Variants in HERPUD1 observed in about 807,000 individuals in gnomAD.
The protein encoded by HERPUD1 is homocysteine inducible ER protein with ubiquitin like domain 1.
HERPUD1 carries 17 observed loss-of-function variants against 45.0 expected under a neutral mutation model. The observed-to-expected ratio is 0.38, with a 90% CI of 0.26 to 0.57. HERPUD1 has a LOEUF of 0.57. Ranked by LOEUF, HERPUD1 falls within the 20% of genes least tolerant of loss-of-function variation. The pLI is 0.72. For synonymous variants in HERPUD1, 164 were observed against 177.5 expected (o/e 0.92, Z 0.61); for missense variants, 420 against 490.5 (o/e 0.86, Z 1.36).
At position 56,932,235 on chromosome 16, in the gene HERPUD1, C is replaced by T. The variant is rs1371288153; in HGVS notation, c.-10C>T. ...GAGCGCAGCGGAGCCCCGACACCGCCGCCGCCGCCATGGAGTCCGAGACCG... is the reference window on the plus strand; with the variant it reads ...GAGCGCAGCGGAGCCCCGACACCGCTGCCGCCGCCATGGAGTCCGAGACCG... On this transcript the variant is annotated 5_prime_UTR_variant, in exon 1 of 8. Coordinates refer to ENST00000439977, the MANE Select transcript of HERPUD1 (RefSeq NM_014685.4). 6.2e-7 allele frequency: 1 copy of T among 1,605,274 alleles called. No homozygotes were observed.
rs931752581 is a variant in HERPUD1 at position 56,943,897 on chromosome 16, A to G, written c.*607A>G. 10 of 191,750 alleles carry G rather than the reference A, an allele frequency of 5.2e-5. No individual in the cohort carries two copies. The South Asian group carries it at 1.5e-3, about 29-fold the overall frequency. 11.9% of individuals were successfully genotyped at this position (191,750 alleles called of 1,614,324 possible). A position where few individuals can be genotyped will look rare whatever the true frequency, so the allele number is the denominator to read the frequency against. Reference sequence around the variant, plus strand: ...AATGACCCTGGCAGAGACTCCTGTCATCCTAGCAGTTTACTCTGCGTTTGT... The same window carrying G: ...AATGACCCTGGCAGAGACTCCTGTCGTCCTAGCAGTTTACTCTGCGTTTGT... On this transcript the variant is annotated 3_prime_UTR_variant, in exon 8 of 8. Transcript: ENST00000439977.
chr16:56,933,299 T>G (rs2055841234), intron 1 of HERPUD1: 1 of 455,948 alleles, frequency 2.2e-6, no homozygotes, highest in African/African-American at 2.0e-5. Flanking sequence ...TTTCATATGG[T>G]CAAGAATGTT....
chr16:56,934,241 G>C (rs2055847834), intron 1 of HERPUD1, among the ~76,000 whole-genome samples: 1 of 152,180 alleles, frequency 6.6e-6, no homozygotes, highest in Admixed American at 6.5e-5. Context: ...AATTTAGACG[G>C]AGTTTCAAAT....
intron 5 of HERPUD1, among the ~76,000 whole-genome samples, chr16:56,939,564 T>C (rs2055893559): frequency 6.6e-6 from 1 of 152,254 alleles, no homozygotes; most frequent in Non-Finnish European, 1.5e-5. Context: ...TTTTGTCTGA[T>C]ACATAGTTTA....
intron 1 of HERPUD1, among the ~76,000 whole-genome samples, chr16:56,932,749 T>G (rs143699210): frequency 2.6e-5 from 4 of 152,238 alleles, no homozygotes; most frequent in Non-Finnish European, 5.9e-5. Flanking sequence ...GCAGCCTCTC[T>G]GCAGGGAGAG....
intron 1 of HERPUD1, among the ~76,000 whole-genome samples, chr16:56,934,034 A>G (rs1479793909): frequency 1.3e-5 from 2 of 152,240 alleles, no homozygotes; most frequent in African/African-American, 4.8e-5. Flanking sequence ...TCTGATGTAT[A>G]TGGATAAGTA....
intron 6 of HERPUD1, chr16:56,940,740 T>C (rs1447319943): frequency 1.3e-5 from 2 of 152,128 alleles, no homozygotes; most frequent in Non-Finnish European, 2.9e-5. Context: ...GGCAGGAGGA[T>C]CACATGAGGC....
chr16:56,934,416 CTCACAGGGTGGTTGTGTA>C (rs1567459239), intron 1 of HERPUD1, among the ~76,000 whole-genome samples: 1 of 152,154 alleles, frequency 6.6e-6, no homozygotes, highest in Non-Finnish European at 1.5e-5. Flanking sequence ...GATACTAAAT[CTCACAGGGTGGTTGTGTA>C]TAATGTCACC....
intron 4 of HERPUD1, chr16:56,937,029 A>G (rs2055872230): frequency 7.9e-6 from 3 of 379,270 alleles, no homozygotes; most frequent in African/African-American, 4.2e-5. Context: ...AAAGTAGGTA[A>G]TGCATATATT....
intron 3 of HERPUD1, 116 bp downstream of exon 3, chr16:56,935,591 A>G: frequency 1.2e-6 from 1 of 847,978 alleles, no homozygotes; most frequent in Non-Finnish European, 1.9e-6. Context: ...TTACCAAGTA[A>G]TATTTTGTTT....
intron 1 of HERPUD1, among the ~76,000 whole-genome samples, chr16:56,933,734 G>A (rs1232196025): frequency 6.6e-6 from 1 of 152,142 alleles, no homozygotes; most frequent in East Asian, 1.9e-4. Context: ...TGTAATAGTT[G>A]TTTGCTTTAC....
intron 1 of HERPUD1, among the ~76,000 whole-genome samples, chr16:56,932,747 T>A (rs2055836971): frequency 6.6e-6 from 1 of 152,236 alleles, no homozygotes; most frequent in Non-Finnish European, 1.5e-5. Flanking sequence ...ACGCAGCCTC[T>A]CTGCAGGGAG....
intron 1 of HERPUD1, chr16:56,934,981 GGATTACAGGCATGA>G (rs1379238636): frequency 2.4e-6 from 1 of 411,232 alleles, no homozygotes; most frequent in Non-Finnish European, 4.6e-6. Flanking sequence ...CACAGTGCTT[GGATTACAGGCATGA>G]GCCACCATGC....
In HERPUD1 at chr16:56,935,290, G is replaced by A; in HGVS notation, c.203G>A (p.Cys68Tyr). 1 of 1,613,942 alleles carries A rather than the reference G, an allele frequency of 6.2e-7. No individual in the cohort carries two copies. Among genetic ancestry groups the A allele is most frequent in the Non-Finnish European group, 8.5e-7 (1 of 1,179,816 alleles). ...GGGAAGCTGTTGTTGGATCACCAAT[G>A]TCTCAGGGACTTGCTTCCAAAGGTA... Reference protein sequence around the residue: ...YSGKLLLDHQCLRDLLPKQEK... With the variant: ...YSGKLLLDHQYLRDLLPKQEK... The change falls in exon 2 of 8, where the codon TGT becomes TAT. Residue 68 changes from cysteine (C) to tyrosine (Y), a missense_variant. By Grantham distance (194) the Cys-to-Tyr change is radical. Transcript: ENST00000439977.
chr16:56,940,525 C>T (rs1251479261), intron 6 of HERPUD1: 9 of 326,148 alleles, frequency 2.8e-5, no homozygotes, highest in African/African-American at 1.3e-4. Flanking sequence ...CAGGTGGTCT[C>T]GAACTCCTGA....
Position 56,935,278 on chromosome 16 carries a change from TG to T in HERPUD1, c.193del (p.Asp65IlefsTer24). Reference protein sequence around the residue: ...QRLIYSGKLLLDHQCLRDLLP... With the variant: ...QRLIYSGKLLXDHQCLRDLLP... ...TTAATTTATTCTGGGAAGCTGTTGT[TG>T]GATCACCAATGTCTCAGGGACTTGC... On this transcript the variant is annotated frameshift_variant, in exon 2 of 8. Transcript: ENST00000439977. LOFTEE classifies it high-confidence loss of function. 6.2e-7 allele frequency: 1 copy of T among 1,614,100 alleles called. No individual in the cohort carries two copies.
At chr16:56,932,779 G>A (rs1240809327) in intron 1 of HERPUD1, among the ~76,000 whole-genome samples, 1 of 152,212 alleles carries the variant, frequency 6.6e-6, no homozygotes, top group Non-Finnish European at 1.5e-5. Context: ...GGTGCCACCC[G>A]GGGCCGTGGC....
At chr16:56,937,609 C>A (rs1270444708) in intron 4 of HERPUD1, among the ~76,000 whole-genome samples, 2 of 135,058 alleles carry the variant, frequency 1.5e-5, no homozygotes, top group Admixed American at 1.5e-4. Flanking sequence ...TCATCTATTA[C>A]CCTTTCCCTT....
chr16:56,942,724 A>G (rs2144827902), intron 7 of HERPUD1, among the ~76,000 whole-genome samples: 1 of 152,282 alleles, frequency 6.6e-6, no homozygotes, highest in African/African-American at 2.4e-5. Flanking sequence ...GCGTGCCTGT[A>G]TTCTCAGCTG....
Sources: allele counts gnomAD v4.1 joint callset (sites outside exome capture counted in the v4.1 genomes callset), GRCh38; gene constraint gnomAD v4.1.1; transcripts MANE v1.5; gene names NCBI Gene and HGNC (gene_info 2026-07-23, HGNC 2026-07-21).